Variants in CCSER1 observed in about 807,000 individuals in gnomAD.
CCSER1 encodes serine-rich coiled-coil domain-containing protein 1.
In CCSER1, 41 loss-of-function variants were observed where a neutral mutation model predicts 82.0. The observed-to-expected ratio is 0.50, with a 90% CI of 0.39 to 0.65. The LOEUF (loss-of-function observed/expected upper bound fraction) is 0.65, where lower values mean the gene tolerates loss of function less well. Ranked by LOEUF, CCSER1 falls within the 30% of genes least tolerant of loss-of-function variation. The probability of loss-of-function intolerance (pLI) is 0.00; values close to 1 mark genes in which losing one functional copy is unlikely to be tolerated. For missense variants in CCSER1, 1,119 were observed against 1,064.2 expected (o/e 1.05, Z -0.72); for synonymous variants, 414 against 383.9 (o/e 1.08, Z -0.92).
chr4:91,365,642 A>T (rs1402410934), intron 10 of CCSER1, among the ~76,000 whole-genome samples: 1 of 152,210 alleles, frequency 6.6e-6, no homozygotes, highest in Non-Finnish European at 1.5e-5. Context: ...AATATTTTTT[A>T]AAACAATTAA....
rs541263755 is a variant in CCSER1, at chr4:91,237,123, A to G, written c.2217+151129A>G. On this transcript the variant is annotated intron_variant, in intron 10 of 10. Coordinates refer to ENST00000509176, the MANE Select transcript of CCSER1 (RefSeq NM_001145065.2). Reference sequence around the variant, plus strand: ...GTTATATGCCCATTATATTTATACAATCAATCATCTTTTTTCATTGCAATA... The same window carrying G: ...GTTATATGCCCATTATATTTATACAGTCAATCATCTTTTTTCATTGCAATA... Among the ~76,000 whole-genome samples the G allele has an allele frequency of 2.0e-4, 30 of 151,402 alleles. 1 individual carries two copies. The South Asian group carries it at 5.8e-3, about 29-fold the overall frequency.
At chr4:90,459,322 A>G (rs1376328670) in intron 4 of CCSER1, among the ~76,000 whole-genome samples, 2 of 152,204 alleles carry the variant, frequency 1.3e-5, no homozygotes, top group African/African-American at 2.4e-5. Flanking sequence ...ATGTAGATTC[A>G]GCCATTAGGT....
chr4:91,305,531 G>T (rs959765671), intron 10 of CCSER1, among the ~76,000 whole-genome samples: 1 of 152,024 alleles, frequency 6.6e-6, no homozygotes, highest in Non-Finnish European at 1.5e-5. Context: ...TTTGGACATT[G>T]TGTAAAATAC....
intron 9 of CCSER1, among the ~76,000 whole-genome samples, chr4:91,003,086 C>A (rs1054814176): frequency 6.6e-6 from 1 of 152,132 alleles, no homozygotes; most frequent in Non-Finnish European, 1.5e-5. Flanking sequence ...TGCACAGAGT[C>A]CTGTGATGTG....
At chr4:90,519,559 A>G (rs80173908) in intron 5 of CCSER1, among the ~76,000 whole-genome samples, 4,102 of 152,064 alleles carry the variant, frequency 0.027, 87 homozygotes, top group Non-Finnish European at 0.044. Flanking sequence ...ATTGGTATTA[A>G]TACATTATAG....
chr4:90,215,586 A>G (rs952698375), intron 1 of CCSER1, among the ~76,000 whole-genome samples: 2 of 152,212 alleles, frequency 1.3e-5, no homozygotes, highest in Non-Finnish European at 2.9e-5. Context: ...TAAAAAAAAT[A>G]AAAGCAAGTT....
rs149073319 is a variant in CCSER1 at position 90,930,848 on chromosome 4, T to G, written c.2172+7401T>G. ...TATTAATTTATTTCTATCAAAAACA[T>G]TGCTTTCCTTTGATGTGGTCTACAA... is the stretch of plus-strand genomic sequence containing the variant. On this transcript the variant is annotated intron_variant, in intron 9 of 10. Coordinates refer to ENST00000509176, the MANE Select transcript of CCSER1 (RefSeq NM_001145065.2). 6.5e-4 allele frequency among the ~76,000 whole-genome samples: 97 copies of G among 148,700 alleles called. 1 individual carries two copies. Among genetic ancestry groups the G allele is most frequent in the African/African-American group, 2.2e-3 (90 of 40,774 alleles).
At position 90,823,634 on chromosome 4, in the gene CCSER1, G is replaced by GAAAA. The variant is rs1312194284; in HGVS notation, c.2094+7789_2094+7790insAAAA. On this transcript the variant is annotated intron_variant, in intron 8 of 10. Coordinates refer to ENST00000509176, the MANE Select transcript of CCSER1 (RefSeq NM_001145065.2). ...ATTTAAGATTCAAAACAAAAGAATA[G>GAAAA]TGTGTGAACCGTGAGCTCTCTATTT... is the stretch of plus-strand genomic sequence containing the variant. Among the ~76,000 whole-genome samples, 8 of 152,014 alleles carry GAAAA rather than the reference G, an allele frequency of 5.3e-5. No individual in the cohort carries two copies. The East Asian group carries it at 1.5e-3, about 29-fold the overall frequency.
chr4:90,769,695 T>C (rs1010898741), intron 7 of CCSER1, among the ~76,000 whole-genome samples: 11 of 152,332 alleles, frequency 7.2e-5, no homozygotes, highest in African/African-American at 2.6e-4. Flanking sequence ...CAAGGATATG[T>C]ATTTATGGAA....
intron 10 of CCSER1, among the ~76,000 whole-genome samples, chr4:91,131,152 T>C (rs542879684): frequency 6.6e-6 from 1 of 152,110 alleles, no homozygotes; most frequent in East Asian, 1.9e-4. Context: ...GTGTAAATAA[T>C]AGATGACTGA....
chr4:91,147,960 T>C (rs1478807774), intron 10 of CCSER1, among the ~76,000 whole-genome samples: 1 of 152,214 alleles, frequency 6.6e-6, no homozygotes, highest in Non-Finnish European at 1.5e-5. Flanking sequence ...ATGCTCTATA[T>C]ATTTCTTTAG....
At chr4:91,088,742 T>G (rs1723637426) in intron 10 of CCSER1, among the ~76,000 whole-genome samples, 2 of 151,718 alleles carry the variant, frequency 1.3e-5, no homozygotes, top group African/African-American at 4.8e-5. Flanking sequence ...AAAATGTGAT[T>G]GTTTAACAGA....
chr4:91,062,208 C>T (rs1230238620), intron 9 of CCSER1, among the ~76,000 whole-genome samples: 3 of 151,976 alleles, frequency 2.0e-5, no homozygotes, highest in Non-Finnish European at 4.4e-5. Context: ...ATTAATTATT[C>T]CAGCTACTTC....
intron 10 of CCSER1, among the ~76,000 whole-genome samples, chr4:91,101,559 C>T (rs1262520654): frequency 2.0e-5 from 3 of 149,696 alleles, no homozygotes; most frequent in African/African-American, 7.4e-5. Context: ...CACTTGAACT[C>T]GGGAGGCGGA....
At chr4:90,756,165 T>A (rs1749487139) in intron 7 of CCSER1, among the ~76,000 whole-genome samples, 1 of 152,044 alleles carries the variant, frequency 6.6e-6, no homozygotes, top group Non-Finnish European at 1.5e-5. Context: ...GAGACAGAGA[T>A]TGCAGTGAGC....
intron 1 of CCSER1, among the ~76,000 whole-genome samples, chr4:90,133,396 C>G (rs972812696): frequency 2.0e-5 from 3 of 152,058 alleles, no homozygotes; most frequent in Non-Finnish European, 4.4e-5. Flanking sequence ...AGGGTATGCA[C>G]AATACAAAAG....
intron 9 of CCSER1, among the ~76,000 whole-genome samples, chr4:91,015,968 G>A (rs1383109669): frequency 6.6e-6 from 1 of 151,926 alleles, no homozygotes; most frequent in Non-Finnish European, 1.5e-5. Context: ...CTTGGTACTT[G>A]ATTTATTAAG....
At chr4:90,752,547 A>G (rs992150895) in intron 7 of CCSER1, among the ~76,000 whole-genome samples, 1 of 152,006 alleles carries the variant, frequency 6.6e-6, no homozygotes, top group Non-Finnish European at 1.5e-5. Context: ...TCTAATTTTC[A>G]GTTTGTCATT....
chr4:91,173,283 C>A (rs1732956137), intron 10 of CCSER1, among the ~76,000 whole-genome samples: 1 of 152,090 alleles, frequency 6.6e-6, no homozygotes, highest in African/African-American at 2.4e-5. Flanking sequence ...AGGAAAAATT[C>A]AGAAAGACAT....
Sources: gnomAD v4.1 joint callset for allele counts (sites outside exome capture counted in the v4.1 genomes callset) on GRCh38, gnomAD v4.1.1 for gene constraint, MANE v1.5 for transcripts, NCBI Gene and HGNC (gene_info 2026-07-23, HGNC 2026-07-21) for gene names.